SPATA6: variants seen among roughly 807,000 people sequenced by gnomAD.
The protein encoded by SPATA6 is spermatogenesis associated 6, also known as spermatogenesis-associated protein 6.
SPATA6 carries 56 observed loss-of-function variants against 65.3 expected under a neutral mutation model. That is an observed-to-expected ratio of 0.86 (90% CI 0.69 to 1.07). SPATA6 has a LOEUF of 1.07. SPATA6 is among the 50% of genes least tolerant of loss of function. SPATA6 has a pLI of 0.00. For synonymous variants in SPATA6, 199 were observed against 213.2 expected (o/e 0.93, Z 0.58); for missense variants, 590 against 594.8 (o/e 0.99, Z 0.08).
chr1:48,347,471 A>T (rs1413733760), intron 11 of SPATA6, among the ~76,000 whole-genome samples: 1 of 143,934 alleles, frequency 6.9e-6, no homozygotes, highest in Admixed American at 7.0e-5. Context: ...ATATAATATA[A>T]TATATATATT....
intron 11 of SPATA6, among the ~76,000 whole-genome samples, chr1:48,332,132 A>G (rs1434297923): frequency 4.6e-5 from 7 of 152,244 alleles, no homozygotes; most frequent in Admixed American, 4.6e-4. Context: ...AAACGCATGT[A>G]AGTACACACA....
At chr1:48,319,114 A>G (rs972737151) in intron 11 of SPATA6, among the ~76,000 whole-genome samples, 6 of 152,190 alleles carry the variant, frequency 3.9e-5, no homozygotes, top group African/African-American at 1.4e-4. Flanking sequence ...ACAAAAATCA[A>G]CTCAAAATTG....
chr1:48,443,701 T>C (rs1655736427), intron 3 of SPATA6, among the ~76,000 whole-genome samples: 1 of 152,200 alleles, frequency 6.6e-6, no homozygotes, highest in South Asian at 2.1e-4. Context: ...GGAAAAGGCT[T>C]CTGAAATCAG....
At chr1:48,436,061 T>A in intron 3 of SPATA6, 1 of 1,609,780 alleles carries the variant, frequency 6.2e-7, no homozygotes, top group Non-Finnish European at 8.5e-7. Context: ...CAATACTTGG[T>A]TGATGAGCCA....
intron 11 of SPATA6, among the ~76,000 whole-genome samples, chr1:48,316,849 C>G (rs866630904): frequency 2.0e-5 from 3 of 151,916 alleles, no homozygotes; most frequent in South Asian, 4.2e-4. Context: ...AAAAACAACC[C>G]CATCAAAAAG....
chr1:48,395,419 T>C, intron 7 of SPATA6, 65 bp from the exon 8 acceptor site: 2 of 1,200,602 alleles, frequency 1.7e-6, no homozygotes, highest in Non-Finnish European at 2.2e-6. Flanking sequence ...AATCTCATGG[T>C]ACCAGAAAAA....
intron 11 of SPATA6, among the ~76,000 whole-genome samples, chr1:48,344,534 T>C (rs934413960): frequency 2.6e-5 from 4 of 152,022 alleles, no homozygotes; most frequent in African/African-American, 7.2e-5. Flanking sequence ...ATATAAACAC[T>C]AAACTTAAAT....
At chr1:48,348,832 A>G (rs1646440342) in intron 11 of SPATA6, among the ~76,000 whole-genome samples, 1 of 152,016 alleles carries the variant, frequency 6.6e-6, no homozygotes, top group Non-Finnish European at 1.5e-5. Flanking sequence ...CTCTAACCCA[A>G]CATCACAGAG....
At chr1:48,367,037 C>A (rs1647043067) in intron 9 of SPATA6, among the ~76,000 whole-genome samples, 1 of 152,066 alleles carries the variant, frequency 6.6e-6, no homozygotes, top group African/African-American at 2.4e-5. Flanking sequence ...TTATTTCTGC[C>A]TTCATTTCAT....
At chr1:48,283,133 T>C in the SPATA6 span, among the ~76,000 whole-genome samples, 3 of 128,528 alleles carry the variant, frequency 2.3e-5, no homozygotes, top group African/African-American at 9.0e-5. Context: ...AATTGAACAA[T>C]GAGAACACAT....
At chr1:48,405,107 G>A (rs778880854) in intron 5 of SPATA6, among the ~76,000 whole-genome samples, 1 of 152,082 alleles carries the variant, frequency 6.6e-6, no homozygotes, top group Admixed American at 6.6e-5. Flanking sequence ...AAGGTAAATC[G>A]GAGTTGCCTA....
chr1:48,314,989 C>G (rs1353398858), intron 11 of SPATA6, among the ~76,000 whole-genome samples: 4 of 152,048 alleles, frequency 2.6e-5, no homozygotes, highest in African/African-American at 9.7e-5. Flanking sequence ...AAGACTAAAC[C>G]AGGAAGAAGC....
intron 3 of SPATA6, chr1:48,436,795 C>T (rs377698187): frequency 1.2e-6 from 2 of 1,614,104 alleles, no homozygotes; most frequent in East Asian, 2.2e-5. Context: ...AACTCAGATG[C>T]TGTTACAGAA....
chr1:48,303,360 T>C (rs1644985664), intron 12 of SPATA6, among the ~76,000 whole-genome samples: 1 of 152,118 alleles, frequency 6.6e-6, no homozygotes, highest in African/African-American at 2.4e-5. Flanking sequence ...TATCAAACTC[T>C]AGAACTTAAC....
In SPATA6 at chr1:48,342,615, C is replaced by CAA. The variant is rs56979935; in HGVS notation, c.1194+13053_1194+13054dup. ...TGGGTGACAGAGCGAGACTCCATCT[C>CAA]AAAAAAAAAAAAAAAAGAATAAATA... On this transcript the variant is annotated intron_variant, in intron 11 of 12. Coordinates refer to ENST00000371847, the MANE Select transcript of SPATA6 (RefSeq NM_019073.4). 3.1e-3 allele frequency among the ~76,000 whole-genome samples: 217 copies of CAA among 69,692 alleles called. 1 individual carries two copies. Among genetic ancestry groups the CAA allele is most frequent in the Middle Eastern group, 8.9e-3 (1 of 112 alleles). The allele number at this position is 69,692 out of a possible 152,430, so 45.7% of individuals were successfully genotyped here.
chr1:48,468,008 T>C (rs551071510), intron 1 of SPATA6, among the ~76,000 whole-genome samples: 2 of 152,180 alleles, frequency 1.3e-5, no homozygotes, highest in Admixed American at 6.5e-5. Context: ...AAAGAAAAAT[T>C]TCCTCAAATA....
intron 1 of SPATA6, among the ~76,000 whole-genome samples, chr1:48,461,724 G>C (rs1199415642): frequency 1.3e-5 from 2 of 152,122 alleles, no homozygotes; most frequent in Non-Finnish European, 2.9e-5. Context: ...GGAGAAATAA[G>C]AACACTTTTA....
rs1051904259 is a variant in SPATA6 at position 48,297,114 on chromosome 1, ACTCT to A, written c.*1595_*1598del. Reference sequence around the variant, plus strand: ...TTTTACCTCTATAATCCTACATATGACTCTCTAAGAGGTGTGTGTGTGTGTGTGT... The same window carrying A: ...TTTTACCTCTATAATCCTACATATGACTAAGAGGTGTGTGTGTGTGTGTGT... On this transcript the variant is annotated 3_prime_UTR_variant, in exon 13 of 13. Coordinates refer to ENST00000371847, the MANE Select transcript of SPATA6 (RefSeq NM_019073.4). 7 of 127,562 alleles carry A rather than the reference ACTCT, an allele frequency of 5.5e-5. No individual in the cohort carries two copies. The highest frequency in any genetic ancestry group is 8.2e-5 in the Non-Finnish European group (5 of 60,684). The allele number at this position is 127,562 out of a possible 1,614,324, so 7.9% of individuals were successfully genotyped here. A position where few individuals can be genotyped will look rare whatever the true frequency, so the allele number is the denominator to read the frequency against.
chr1:48,456,083 C>A (rs535619257), intron 1 of SPATA6, among the ~76,000 whole-genome samples: 1 of 152,246 alleles, frequency 6.6e-6, no homozygotes, highest in South Asian at 2.1e-4. Flanking sequence ...AAAGCCATAA[C>A]CCTTCACCTC....
Sources: gnomAD v4.1 joint callset for allele counts (sites outside exome capture counted in the v4.1 genomes callset) on GRCh38, gnomAD v4.1.1 for gene constraint, MANE v1.5 for transcripts, NCBI Gene and HGNC (gene_info 2026-07-23, HGNC 2026-07-21) for gene names.